Variants in MEOX2 observed in about 807,000 individuals in gnomAD.
MEOX2 encodes homeobox protein MOX-2.
Under a neutral mutation model 27.0 loss-of-function variants are expected in MEOX2, and 11 were observed. The observed-to-expected ratio is 0.41, with a 90% CI of 0.26 to 0.68. The LOEUF is 0.68. Among genes scored for constraint, MEOX2 ranks in the 30% least tolerant of loss-of-function variants. The probability of loss-of-function intolerance (pLI) is 0.33; values close to 1 mark genes in which losing one functional copy is unlikely to be tolerated. For synonymous variants in MEOX2, 189 were observed against 155.4 expected (o/e 1.22, Z -1.61); for missense variants, 436 against 385.4 (o/e 1.13, Z -1.10).
At chr7:15,651,398 T>C (rs1247688700) in intron 1 of MEOX2, among the ~76,000 whole-genome samples, 1 of 152,022 alleles carries the variant, frequency 6.6e-6, no homozygotes, top group Non-Finnish European at 1.5e-5. Context: ...AAATTTTCTC[T>C]GATAAAATTG....
chr7:15,676,361 GGGTCT>G, intron 1 of MEOX2, among the ~76,000 whole-genome samples: 1 of 152,224 alleles, frequency 6.6e-6, no homozygotes, highest in East Asian at 1.9e-4. Context: ...CCATTCCTAA[GGGTCT>G]GCAACTGGAA....
rs564282921 is a variant in MEOX2 at position 15,612,378 on chromosome 7, CT to C, written c.*8del. 3.7e-5 allele frequency: 60 copies of C among 1,609,574 alleles called. No individual in the cohort carries two copies. Among genetic ancestry groups the C allele is most frequent in the Non-Finnish European group, 4.9e-5 (58 of 1,176,302 alleles). On this transcript the variant is annotated 3_prime_UTR_variant, in exon 3 of 3. Coordinates refer to ENST00000262041, the MANE Select transcript of MEOX2 (RefSeq NM_005924.5). ...CTTTCCTGAGAATGGAGCTGGTCCTCTGTTTATATCATAAGTGCGCATGCTC... is the reference window on the plus strand; with the variant it reads ...CTTTCCTGAGAATGGAGCTGGTCCTCGTTTATATCATAAGTGCGCATGCTC...
chr7:15,641,282 G>A (rs1214539226), intron 1 of MEOX2, among the ~76,000 whole-genome samples: 1 of 152,008 alleles, frequency 6.6e-6, no homozygotes, highest in Non-Finnish European at 1.5e-5. Flanking sequence ...ATTCATTTGG[G>A]TTGCATATAT....
intron 1 of MEOX2, among the ~76,000 whole-genome samples, chr7:15,673,323 G>C (rs1583789055): frequency 6.6e-6 from 1 of 152,120 alleles, no homozygotes; most frequent in South Asian, 2.1e-4. Flanking sequence ...GATTAGTGTA[G>C]GGAGGTAGTG....
chr7:15,656,811 G>T (rs977884121), intron 1 of MEOX2, among the ~76,000 whole-genome samples: 2 of 151,692 alleles, frequency 1.3e-5, no homozygotes, highest in African/African-American at 4.8e-5. Context: ...GATGTTCTAA[G>T]ATTACTTCCT....
intron 1 of MEOX2, among the ~76,000 whole-genome samples, chr7:15,659,876 T>C (rs1781884097): frequency 6.6e-6 from 1 of 152,192 alleles, no homozygotes; most frequent in Admixed American, 6.5e-5. Context: ...ATTTTATTCT[T>C]TTATCAAGTA....
intron 1 of MEOX2, among the ~76,000 whole-genome samples, chr7:15,640,225 G>T (rs1047602354): frequency 6.6e-6 from 1 of 150,804 alleles, no homozygotes; most frequent in African/African-American, 2.4e-5. Flanking sequence ...GTTTGTTGTT[G>T]TTGCTGTTTG....
At chr7:15,614,799 T>C (rs1034758048) in intron 2 of MEOX2, among the ~76,000 whole-genome samples, 45 of 152,294 alleles carry the variant, frequency 3.0e-4, no homozygotes, top group African/African-American at 9.4e-4. Context: ...TTAGAAATAA[T>C]TTCAATTTCT....
chr7:15,640,078 T>C (rs1781536925), intron 1 of MEOX2, among the ~76,000 whole-genome samples: 1 of 152,140 alleles, frequency 6.6e-6, no homozygotes, highest in African/African-American at 2.4e-5. Flanking sequence ...TGGGCAAATA[T>C]AGTCATTTTA....
chr7:15,631,262 A>G (rs1054371223), intron 1 of MEOX2, among the ~76,000 whole-genome samples: 3 of 151,486 alleles, frequency 2.0e-5, no homozygotes, highest in Non-Finnish European at 4.4e-5. Context: ...CCTGCTGAGC[A>G]GTGATTATCA....
chr7:15,628,848 G>A (rs1056963844), intron 1 of MEOX2, among the ~76,000 whole-genome samples: 10 of 152,008 alleles, frequency 6.6e-5, no homozygotes, highest in African/African-American at 2.2e-4. Context: ...AAACTTTTCC[G>A]TGGGCTGTTC....
chr7:15,685,875 C>G lies in MEOX2; in HGVS notation c.517+11G>C. ...GGCGCGCACTCTCGAGGGTGCCTGG[C>G]GCGCCCTTACCTGAGCTGTCGCTTT... On this transcript the variant is annotated intron_variant, in intron 1 of 2. Coordinates refer to ENST00000262041, the MANE Select transcript of MEOX2 (RefSeq NM_005924.5). 1.9e-6 allele frequency: 3 copies of G among 1,574,430 alleles called. No individual in the cohort carries two copies. The East Asian group carries it at 6.7e-5, about 35-fold the overall frequency.
intron 2 of MEOX2, among the ~76,000 whole-genome samples, chr7:15,625,187 A>C (rs1781281820): frequency 6.6e-6 from 1 of 152,104 alleles, no homozygotes; most frequent in Non-Finnish European, 1.5e-5. Context: ...CACCATCTCT[A>C]TATAAGAACA....
At chr7:15,658,370 G>C (rs904479882) in intron 1 of MEOX2, among the ~76,000 whole-genome samples, 4 of 152,208 alleles carry the variant, frequency 2.6e-5, no homozygotes, top group Non-Finnish European at 5.9e-5. Context: ...TACGGTGTTT[G>C]ACTGGAGTAG....
At chr7:15,683,740 C>T (rs1782329953) in intron 1 of MEOX2, among the ~76,000 whole-genome samples, 1 of 152,050 alleles carries the variant, frequency 6.6e-6, no homozygotes, top group Non-Finnish European at 1.5e-5. Flanking sequence ...TTGTGATTTT[C>T]CTTTTAGTCA....
intron 1 of MEOX2, among the ~76,000 whole-genome samples, chr7:15,643,447 G>C (rs374627728): frequency 1.3e-5 from 2 of 152,260 alleles, no homozygotes; most frequent in African/African-American, 4.8e-5. Flanking sequence ...CAACCCTTCA[G>C]TGGTGTCCCT....
intron 1 of MEOX2, among the ~76,000 whole-genome samples, chr7:15,635,631 A>G (rs1781469083): frequency 6.6e-6 from 1 of 152,032 alleles, no homozygotes. Context: ...GCAATTGAAA[A>G]TTATGCATTT....
intron 2 of MEOX2, among the ~76,000 whole-genome samples, chr7:15,623,129 T>C (rs1781246165): frequency 6.6e-6 from 1 of 152,188 alleles, no homozygotes; most frequent in Admixed American, 6.5e-5. Flanking sequence ...TTACAGAAGA[T>C]GGATTTTAAA....
At chr7:15,655,895 T>G (rs1193757913) in intron 1 of MEOX2, among the ~76,000 whole-genome samples, 2 of 151,772 alleles carry the variant, frequency 1.3e-5, no homozygotes, top group African/African-American at 4.8e-5. Flanking sequence ...TAAGTTTTTT[T>G]ATATCCTTGC....
Sources: allele counts gnomAD v4.1 joint callset (sites outside exome capture counted in the v4.1 genomes callset), GRCh38; gene constraint gnomAD v4.1.1; transcripts MANE v1.5; gene names NCBI Gene and HGNC (gene_info 2026-07-23, HGNC 2026-07-21).